Variants in MEGF8 observed in about 807,000 individuals in gnomAD.
MEGF8 encodes multiple epidermal growth factor-like domains protein 8.
MEGF8 carries 156 observed loss-of-function variants against 302.9 expected under a neutral mutation model. That is an observed-to-expected ratio of 0.52 (90% CI 0.45 to 0.59). MEGF8 has a LOEUF of 0.59. MEGF8 is among the 20% of genes least tolerant of loss of function. The pLI, the probability that MEGF8 is intolerant of heterozygous loss-of-function variation, is 0.00. For synonymous variants in MEGF8, 1,621 were observed against 1,660.5 expected, an observed-to-expected ratio of 0.98 and a Z score of 0.58; for missense variants, 3,345 against 3,964.5, an observed-to-expected ratio of 0.84 and a Z score of 4.20.
chr19:42,349,539 C>T lies in MEGF8; in HGVS notation c.2339C>T (p.Thr780Met), dbSNP rs549937261. 5.2e-5 allele frequency: 84 copies of T among 1,612,000 alleles called. No homozygotes were observed. The highest frequency in any genetic ancestry group is 6.7e-5 in the Non-Finnish European group (79 of 1,179,776). The change falls in exon 14 of 42, where the codon ACG becomes ATG. Residue 780 changes from threonine (T) to methionine (M), a missense_variant. By Grantham distance (81) the Thr-to-Met change is moderately conservative. Coordinates refer to ENST00000251268, the MANE Select transcript of MEGF8 (RefSeq NM_001271938.2). ...GRWVAHQEKE[T>M]RRLQRPGSAR... ...TGGGTGGCTCATCAGGAGAAGGAGA[C>T]GCGGCGGCTGCAGCGCCCTGGGTCT...
rs770911706 is a variant in MEGF8, at chr19:42,351,671, G to A, written c.3011G>A (p.Arg1004Gln). ...DDSVHSEPRC[R>Q]SCDGFLTCHE... Reference sequence around the variant, plus strand: ...AGTGTACACTCGGAGCCACGGTGCCGGAGCTGCGATGGCTTCCTGACCTGC... The same window carrying A: ...AGTGTACACTCGGAGCCACGGTGCCAGAGCTGCGATGGCTTCCTGACCTGC... Residue 1004 changes from arginine to glutamine, a missense_variant, in exon 18 of 42, where the codon CGG becomes CAG. Physicochemically the swap from Arg to Gln is conservative, Grantham distance 43. Transcript: ENST00000251268. The surrounding 1 kb of genome is among the most constrained non-coding windows in gnomAD (Gnocchi z 5.6). The A allele has an allele frequency of 3.1e-5, 50 of 1,590,248 alleles. 1 individual carries two copies. Among genetic ancestry groups the A allele is most frequent in the Non-Finnish European group, 3.8e-5 (45 of 1,169,232 alleles).
chr19:42,374,499 C>T (rs1255128455), intron 41 of MEGF8, among the ~76,000 whole-genome samples: 1 of 150,908 alleles, frequency 6.6e-6, no homozygotes, highest in Admixed American at 6.6e-5. Context: ...AAAAGTCTCA[C>T]CCCAGATCAG....
intron 23 of MEGF8, 146 bp from the exon 24 acceptor site, chr19:42,355,612 G>T (rs1002647201): frequency 8.4e-7 from 1 of 1,188,338 alleles, no homozygotes; most frequent in East Asian, 2.6e-5. Flanking sequence ...GAGGGAGGGG[G>T]TGCAGAATGG....
At chr19:42,343,050 A>G (rs1252208772) in intron 8 of MEGF8, among the ~76,000 whole-genome samples, 2 of 152,192 alleles carry the variant, frequency 1.3e-5, no homozygotes, top group Non-Finnish European at 2.9e-5. Flanking sequence ...TGCTAGACAG[A>G]CAAAAATGGG....
chr19:42,355,120 C>G (rs1277369820), intron 23 of MEGF8, among the ~76,000 whole-genome samples: 1 of 152,082 alleles, frequency 6.6e-6, no homozygotes, highest in Non-Finnish European at 1.5e-5. Flanking sequence ...CCATGCCTGG[C>G]TAATTTTTGT....
In MEGF8 at chr19:42,376,551, C is replaced by T; in HGVS notation, c.8314C>T (p.Pro2772Ser). ...GCGAGCTGGGCCCATCACTCTCGAG[C>T]CCACAGAAGATGGCATGGCTGGCGT... is the stretch of plus-strand genomic sequence containing the variant. Reference protein sequence around the residue: ...GLRAGPITLEPTEDGMAGVAT... With the variant: ...GLRAGPITLESTEDGMAGVAT... The change falls in exon 42 of 42, where the codon CCC becomes TCC. Residue 2772 changes from proline (P) to serine (S), a missense_variant. By Grantham distance (74) the Pro-to-Ser change is moderately conservative. Coordinates refer to ENST00000251268, the MANE Select transcript of MEGF8 (RefSeq NM_001271938.2). The surrounding 1 kb of genome is among the most constrained non-coding windows in gnomAD (Gnocchi z 8.2). 2 of 1,559,322 alleles carry T rather than the reference C, an allele frequency of 1.3e-6. No homozygotes were observed. The highest frequency in any genetic ancestry group is 8.7e-7 in the Non-Finnish European group (1 of 1,154,512).
chr19:42,335,931 G>C lies in MEGF8; in HGVS notation c.829G>C (p.Ala277Pro). ...TCTGTCTCTTTTCTCTTCCTCACAGGCTGCCCGTCACTCCCATGTGGCCGT... is the reference window on the plus strand; with the variant it reads ...TCTGTCTCTTTTCTCTTCCTCACAGCCTGCCCGTCACTCCCATGTGGCCGT... ...WESWDLSPAPAARHSHVAVAW... is the reference protein window; with the variant it reads ...WESWDLSPAPPARHSHVAVAW... Residue 277 changes from alanine (A) to proline (P), a missense_variant and splice_region_variant, in exon 6 of 42, where the codon GCT (alanine) becomes CCT (proline). Transcript: ENST00000251268. 1 of 1,462,944 alleles carries C rather than the reference G, an allele frequency of 6.8e-7. No individual in the cohort carries two copies. Among genetic ancestry groups the C allele is most frequent in the Non-Finnish European group, 9.0e-7 (1 of 1,107,070 alleles). The allele number at this position is 1,462,944 out of a possible 1,614,324, so 90.6% of individuals were successfully genotyped here.
At chr19:42,346,984 C>CAAAAAAAAAAAAAAAAAAAAAA (rs767117534) in intron 12 of MEGF8, among the ~76,000 whole-genome samples, 5 of 49,792 alleles carry the variant, frequency 1.0e-4, no homozygotes, top group Non-Finnish European at 1.7e-4. Flanking sequence ...GACTCTGTCT[C>CAAAAAAAAAAAAAAAAAAAAAA]AAAAAAAAAA....
At position 42,370,243 on chromosome 19, in the gene MEGF8, G is replaced by T; in HGVS notation, c.6889G>T (p.Gly2297Trp). The change falls in exon 39 of 42, where the codon GGG becomes TGG. Residue 2297 changes from glycine to tryptophan, a missense_variant. By Grantham distance (184) the Gly-to-Trp change is radical. Transcript: ENST00000251268. ...GTTTGTGGGTTCAGCTGTCGGAGGC[G>T]GGACCTGCCGGCCCTGCCACGCCTT... ...PLFVGSAVGG[G>W]TCRPCHAFCR... 1 of 1,613,576 alleles carries T rather than the reference G, an allele frequency of 6.2e-7. No homozygotes were observed. The highest frequency in any genetic ancestry group is 8.5e-7 in the Non-Finnish European group (1 of 1,179,846).
chr19:42,362,127 C>T lies in MEGF8; in HGVS notation c.5758C>T (p.Arg1920Cys), dbSNP rs765419448. Residue 1920 changes from arginine to cysteine, a missense_variant, in exon 33 of 42, where the codon CGC (arginine) becomes TGC (cysteine). By Grantham distance (180) the Arg-to-Cys change is radical (BLOSUM62 -3). Transcript: ENST00000251268. ...CGGSPCSPMPRSPEECRRLRT... is the reference protein window; with the variant it reads ...CGGSPCSPMPCSPEECRRLRT... ...GGGCTCCCCCTGCTCCCCAATGCCTCGCTCCCCGGAGGAATGTCGACGTCT... is the reference window on the plus strand; with the variant it reads ...GGGCTCCCCCTGCTCCCCAATGCCTTGCTCCCCGGAGGAATGTCGACGTCT... The T allele has an allele frequency of 1.6e-5, 26 of 1,612,256 alleles. No individual in the cohort carries two copies. In the Admixed American group the frequency reaches 2.5e-4, roughly 16 times the overall value.
Position 42,359,084 on chromosome 19 carries a change from C to CCGA in MEGF8, c.5344-14_5344-13insCGA. 6.6e-7 allele frequency: 1 copy of CCGA among 1,504,092 alleles called. No individual in the cohort carries two copies. Among genetic ancestry groups the CCGA allele is most frequent in the Non-Finnish European group, 8.9e-7 (1 of 1,120,062 alleles). 93.2% of individuals were successfully genotyped at this position (1,504,092 alleles called of 1,614,324 possible). A position where few individuals can be genotyped will look rare whatever the true frequency, so the allele number is the denominator to read the frequency against. ...CAGGCTGTCCTGTCCCCCCACCCCC[C>CCGA]GTCTCCCCAACAGCCCCGCCCCCGG... On this transcript the variant is annotated splice_polypyrimidine_tract_variant and intron_variant, in intron 30 of 41. Coordinates refer to ENST00000251268, the MANE Select transcript of MEGF8 (RefSeq NM_001271938.2).
Position 42,355,880 on chromosome 19 carries a change from C to A in MEGF8, c.4267C>A (p.Pro1423Thr). 1 of 1,577,104 alleles carries A rather than the reference C, an allele frequency of 6.3e-7. No homozygotes were observed. The highest frequency in any genetic ancestry group is 8.6e-7 in the Non-Finnish European group (1 of 1,161,994). ...GSCPVPQECVPQDGAAGAGLC... is the reference protein window; with the variant it reads ...GSCPVPQECVTQDGAAGAGLC... ...CTGTCCCGTCCCCCAGGAATGCGTG[C>A]CCCAGGACGGTGCTGCAGGTGCGGG... is the stretch of plus-strand genomic sequence containing the variant. The change falls in exon 24 of 42, where the codon CCC becomes ACC. Residue 1423 changes from proline (P) to threonine (T), a missense_variant. By Grantham distance (38) the Pro-to-Thr change is conservative. Transcript: ENST00000251268.
Position 42,344,861 on chromosome 19 carries a change from G to T in MEGF8, c.2097+28G>T, listed in dbSNP as rs1202691990. The T allele has an allele frequency of 1.3e-6, 2 of 1,514,394 alleles. No individual in the cohort carries two copies. The highest frequency in any genetic ancestry group is 1.4e-5 in the African/African-American group (1 of 71,828). 93.8% of individuals were successfully genotyped at this position (1,514,394 alleles called of 1,614,324 possible). ...GGGTAGGAGGCGTGGCCCTGGGTGG[G>T]GTGTTGATGATCCTGATCCTAGGGT... On this transcript the variant is annotated intron_variant, in intron 12 of 41. Coordinates refer to ENST00000251268, the MANE Select transcript of MEGF8 (RefSeq NM_001271938.2). The surrounding 1 kb of genome is among the most constrained non-coding windows in gnomAD (Gnocchi z 4.5).
In MEGF8 at chr19:42,377,063, A is replaced by G; in HGVS notation, c.*288A>G. The G allele has an allele frequency of 2.5e-6, 1 of 401,786 alleles. No homozygotes were observed. 24.9% of individuals were successfully genotyped at this position (401,786 alleles called of 1,614,324 possible). A position where few individuals can be genotyped will look rare whatever the true frequency, so the allele number is the denominator to read the frequency against. The stretch of plus-strand genomic sequence containing the variant: ...TGGTGAAGGGAGACAATCAGTGCAC[A>G]TGCACACACCCCACACGCATACACA... On this transcript the variant is annotated 3_prime_UTR_variant, in exon 42 of 42. Transcript: ENST00000251268.
chr19:42,371,505 T>TGGGC, intron 41 of MEGF8, 23 bp downstream of exon 41: 1 of 1,613,498 alleles, frequency 6.2e-7, no homozygotes, highest in East Asian at 2.2e-5. Flanking sequence ...AAGCTAGTGG[T>TGGGC]GGGCCGAGGG....
At position 42,325,972 on chromosome 19, in the gene MEGF8, G is replaced by T. The variant is rs910663738; in HGVS notation, c.-272G>T. The T allele has an allele frequency of 1.7e-5, 7 of 407,840 alleles. No homozygotes were observed. The South Asian group carries it at 5.0e-4, about 29-fold the overall frequency. The allele number at this position is 407,840 out of a possible 1,614,324, so 25.3% of individuals were successfully genotyped here. A position where few individuals can be genotyped will look rare whatever the true frequency, so the allele number is the denominator to read the frequency against. On this transcript the variant is annotated 5_prime_UTR_variant, in exon 1 of 42. Transcript: ENST00000251268. ...CCTATGGAGCCCTGTGTCTATAGGG[G>T]ACTCCTACGGTCCCTAGGGTTCGGC...
At chr19:42,343,698 G>A in intron 9 of MEGF8, 67 bp downstream of exon 9, 1 of 1,497,810 alleles carries the variant, frequency 6.7e-7, no homozygotes, top group Non-Finnish European at 8.9e-7. Context: ...CACAGGTGAG[G>A]GGAAAGGCAG....
intron 8 of MEGF8, among the ~76,000 whole-genome samples, chr19:42,341,447 A>C (rs1038553071): frequency 2.0e-5 from 3 of 151,646 alleles, no homozygotes; most frequent in Non-Finnish European, 4.4e-5. Context: ...AAAAAAAAAA[A>C]AAACACACAT....
At chr19:42,347,128 C>T (rs915302049) in intron 12 of MEGF8, among the ~76,000 whole-genome samples, 1 of 152,022 alleles carries the variant, frequency 6.6e-6, no homozygotes, top group Admixed American at 6.6e-5. Flanking sequence ...GCCACCATAC[C>T]TCCCTGGAAG....
Sources: allele counts gnomAD v4.1 joint callset (sites outside exome capture counted in the v4.1 genomes callset), GRCh38; gene constraint gnomAD v4.1.1; non-coding constraint Gnocchi (gnomAD v3.1); transcripts MANE v1.5; gene names NCBI Gene and HGNC (gene_info 2026-07-23, HGNC 2026-07-21).